Variants in MYO1E observed in about 807,000 individuals in gnomAD.
The protein encoded by MYO1E is unconventional myosin-Ie.
In MYO1E, 68 loss-of-function variants were observed where a neutral mutation model predicts 151.1. The observed-to-expected ratio is 0.45, with a 90% CI of 0.37 to 0.55. The LOEUF (loss-of-function observed/expected upper bound fraction) is 0.55, where lower values mean the gene tolerates loss of function less well. MYO1E is among the 20% of genes least tolerant of loss of function. The pLI is 0.00. For missense variants in MYO1E, 1,363 were observed against 1,389.3 expected, an observed-to-expected ratio of 0.98 and a Z score of 0.30; for synonymous variants, 601 against 501.7, an observed-to-expected ratio of 1.20 and a Z score of -2.64.
intron 1 of MYO1E, among the ~76,000 whole-genome samples, chr15:59,322,895 C>T (rs994100955): frequency 3.8e-4 from 57 of 151,932 alleles, no homozygotes; most frequent in Admixed American, 3.5e-3. Context: ...GGCACGGTGG[C>T]TTACGCCTAC....
chr15:59,243,689 T>C (rs2080113318), intron 4 of MYO1E, among the ~76,000 whole-genome samples: 1 of 152,172 alleles, frequency 6.6e-6, no homozygotes, highest in Admixed American at 6.5e-5. Context: ...AGCAAACTTT[T>C]AGCTACTCCT....
rs759043430 is a variant in MYO1E at position 59,163,299 on chromosome 15, T to C, written c.2485A>G (p.Met829Val). Residue 829 changes from methionine (M) to valine (V), a missense_variant, in exon 23 of 28, where the codon ATG becomes GTG. Coordinates refer to ENST00000288235, the MANE Select transcript of MYO1E (RefSeq NM_004998.4). ...ERILSVSLST[M>V]QDDIFILHEQ... is the part of the protein sequence containing the mutation. ...TGGAGAATAAAAATGTCATCCTGCA[T>C]AGTACTGTAAAGAGATTGGACAAAC... The C allele has an allele frequency of 3.7e-6, 6 of 1,613,432 alleles. No individual in the cohort carries two copies. In the Admixed American group the frequency reaches 5.0e-5, roughly 13 times the overall value.
intron 26 of MYO1E, among the ~76,000 whole-genome samples, chr15:59,144,464 G>C (rs934564219): frequency 6.6e-6 from 1 of 152,078 alleles, no homozygotes; most frequent in Non-Finnish European, 1.5e-5. Flanking sequence ...AATGCGCCCG[G>C]CCTCTTTATT....
chr15:59,181,763 G>A (rs1437583066), intron 18 of MYO1E, among the ~76,000 whole-genome samples: 1 of 152,214 alleles, frequency 6.6e-6, no homozygotes. Flanking sequence ...TTCCTATATA[G>A]GGAGGGTGTA....
chr15:59,134,831 T>C lies in MYO1E; in HGVS notation c.*2549A>G, dbSNP rs1175543338. The C allele has an allele frequency of 6.6e-6, 1 of 152,188 alleles. No homozygotes were observed. The highest frequency in any genetic ancestry group is 1.5e-5 in the Non-Finnish European group (1 of 68,032). 9.4% of individuals were successfully genotyped at this position (152,188 alleles called of 1,614,324 possible). On this transcript the variant is annotated 3_prime_UTR_variant, in exon 28 of 28. Coordinates refer to ENST00000288235, the MANE Select transcript of MYO1E (RefSeq NM_004998.4). ...CCTAAAGTGGTCATATTTGCTTAAC[T>C]GCACAGTGAACAAAATGGCAGGCCA...
Position 59,220,871 on chromosome 15 carries a change from C to A in MYO1E, c.910+2188G>T, listed in dbSNP as rs566399284. ...TCCGGAGGCCAAGGCGGGAGGATGA[C>A]TTAAGGCCAGAAATTCGAGACCAGC... On this transcript the variant is annotated intron_variant, in intron 9 of 27. Coordinates refer to ENST00000288235, the MANE Select transcript of MYO1E (RefSeq NM_004998.4). Among the ~76,000 whole-genome samples the A allele has an allele frequency of 7.3e-5, 10 of 137,916 alleles. No homozygotes were observed. In the East Asian group the frequency reaches 1.9e-3, roughly 26 times the overall value. 90.5% of individuals were successfully genotyped at this position (137,916 alleles called of 152,430 possible). A position where few individuals can be genotyped will look rare whatever the true frequency, so the allele number is the denominator to read the frequency against.
intron 1 of MYO1E, among the ~76,000 whole-genome samples, chr15:59,368,689 T>C (rs1283007611): frequency 6.6e-6 from 1 of 151,754 alleles, no homozygotes; most frequent in Non-Finnish European, 1.5e-5. Context: ...GAGGTTGCAG[T>C]GAGTTGAGAT....
chr15:59,372,753 C>G lies in MYO1E; in HGVS notation c.-253G>C. The G allele has an allele frequency of 3.6e-6, 2 of 552,566 alleles. No homozygotes were observed. Among genetic ancestry groups the G allele is most frequent in the South Asian group, 4.6e-5 (2 of 43,418 alleles). The allele number at this position is 552,566 out of a possible 1,614,324, so 34.2% of individuals were successfully genotyped here. Reference sequence around the variant, plus strand: ...ATGCTGCGGAGGGCAAGAGTCCACTCGTACTCGCCGGTCGCCGCCGGCCCA... The same window carrying G: ...ATGCTGCGGAGGGCAAGAGTCCACTGGTACTCGCCGGTCGCCGCCGGCCCA... On this transcript the variant is annotated 5_prime_UTR_variant, in exon 1 of 28. Coordinates refer to ENST00000288235, the MANE Select transcript of MYO1E (RefSeq NM_004998.4).
chr15:59,138,619 G>A (rs1236477381), intron 26 of MYO1E, among the ~76,000 whole-genome samples: 7 of 152,192 alleles, frequency 4.6e-5, no homozygotes, highest in Non-Finnish European at 8.8e-5. Flanking sequence ...AGCATAGAAG[G>A]AAATGTGGGA....
intron 13 of MYO1E, 42 bp from the exon 14 acceptor site, chr15:59,208,890 C>G (rs769945706): frequency 4.3e-6 from 7 of 1,610,552 alleles, no homozygotes; most frequent in Non-Finnish European, 5.9e-6. Flanking sequence ...ACTGACCTCT[C>G]CAAAACAGAC....
rs565561571 is a variant in MYO1E at position 59,367,559 on chromosome 15, A to G, written c.3+4939T>C. Among the ~76,000 whole-genome samples, 18 of 152,348 alleles carry G rather than the reference A, an allele frequency of 1.2e-4. No homozygotes were observed. The East Asian group carries it at 1.3e-3, about 11-fold the overall frequency. On this transcript the variant is annotated intron_variant, in intron 1 of 27. Transcript: ENST00000288235. ...CAGCTGGATGCAGATTTTCCCTGTT[A>G]TAATAGCTTAGAGAATGCATAGGCT...
chr15:59,262,070 C>T (rs562884191), intron 2 of MYO1E, among the ~76,000 whole-genome samples: 50 of 152,148 alleles, frequency 3.3e-4, no homozygotes, highest in Admixed American at 3.3e-4. Context: ...GCTGTGGTGG[C>T]ACACGCCTGT....
At position 59,323,891 on chromosome 15, in the gene MYO1E, A is replaced by G. The variant is rs139581058; in HGVS notation, c.3+48607T>C. On this transcript the variant is annotated intron_variant, in intron 1 of 27. Transcript: ENST00000288235. The stretch of plus-strand genomic sequence containing the variant: ...TTATATTATTACTAGAGCTTGCGGG[A>G]TGTGTGTTCTGAGTTTGAAGCAGCA... Among the ~76,000 whole-genome samples the G allele has an allele frequency of 2.1e-3, 314 of 151,858 alleles. 1 individual carries two copies. Among genetic ancestry groups the G allele is most frequent in the African/African-American group, 7.2e-3 (299 of 41,398 alleles).
At chr15:59,226,996 C>T (rs1163738310) in intron 7 of MYO1E, among the ~76,000 whole-genome samples, 2 of 152,202 alleles carry the variant, frequency 1.3e-5, no homozygotes, top group South Asian at 4.1e-4. Context: ...CGGTAGCTCA[C>T]GTTCTGGAGA....
chr15:59,284,745 G>T (rs543209734), intron 1 of MYO1E, among the ~76,000 whole-genome samples: 9 of 152,106 alleles, frequency 5.9e-5, no homozygotes, highest in African/African-American at 1.7e-4. Context: ...AAAGTGCTGG[G>T]ATTATAGGTG....
At chr15:59,161,685 T>C (rs373217166) in intron 23 of MYO1E, among the ~76,000 whole-genome samples, 1 of 152,172 alleles carries the variant, frequency 6.6e-6, no homozygotes, top group East Asian at 1.9e-4. Flanking sequence ...TGGCTTTGTT[T>C]AGTCCTGTAC....
At chr15:59,324,307 A>C (rs2080648406) in intron 1 of MYO1E, among the ~76,000 whole-genome samples, 1 of 152,248 alleles carries the variant, frequency 6.6e-6, no homozygotes, top group Non-Finnish European at 1.5e-5. Flanking sequence ...TCAAATTAAA[A>C]AAAAAGGGAG....
intron 1 of MYO1E, among the ~76,000 whole-genome samples, chr15:59,293,979 C>T (rs1166223892): frequency 6.6e-6 from 1 of 152,004 alleles, no homozygotes; most frequent in East Asian, 1.9e-4. Flanking sequence ...GAAGTCAAAG[C>T]TGCAGTGAGC....
intron 26 of MYO1E, among the ~76,000 whole-genome samples, chr15:59,141,923 C>T (rs562405832): frequency 4.0e-5 from 6 of 151,306 alleles, no homozygotes; most frequent in African/African-American, 7.3e-5. Flanking sequence ...CTGGCTAACA[C>T]GGTGAAACCC....
Sources: gnomAD v4.1 joint callset for allele counts (sites outside exome capture counted in the v4.1 genomes callset) on GRCh38, gnomAD v4.1.1 for gene constraint, MANE v1.5 for transcripts, NCBI Gene and HGNC (gene_info 2026-07-23, HGNC 2026-07-21) for gene names.